The following MAPKBP1 variants were observed in gnomAD, a reference collection of about 807,000 sequenced individuals.
The protein encoded by MAPKBP1 is mitogen-activated protein kinase-binding protein 1.
MAPKBP1 carries 71 observed loss-of-function variants against 170.5 expected under a neutral mutation model. The observed-to-expected ratio is 0.42, with a 90% confidence interval of 0.34 to 0.51. The LOEUF is 0.51. Among genes scored for constraint, MAPKBP1 ranks in the 20% least tolerant of loss-of-function variants. The pLI is 0.06. For missense variants in MAPKBP1, 1,598 were observed against 1,933.0 expected, an observed-to-expected ratio of 0.83 and a Z score of 3.25; for synonymous variants, 719 against 757.9, an observed-to-expected ratio of 0.95 and a Z score of 0.84.
Position 41,818,965 on chromosome 15 carries a change from CA to C in MAPKBP1, c.2291+9del. 2 of 1,613,580 alleles carry C rather than the reference CA, an allele frequency of 1.2e-6. No homozygotes were observed. The highest frequency in any genetic ancestry group is 3.3e-4 in the Middle Eastern group (2 of 6,062). On this transcript the variant is annotated intron_variant, in intron 20 of 30. Coordinates refer to ENST00000457542, the MANE Select transcript of MAPKBP1 (RefSeq NM_014994.3). The surrounding 1 kb of genome is among the most constrained non-coding windows in gnomAD (Gnocchi z 5.2). ...GGCTTCTGGACCCAACCGGTGAGAA[CA>C]GAATGTGGGCAAGTGATGGGTGGGT...
At position 41,819,550 on chromosome 15, in the gene MAPKBP1, G is replaced by C. The variant is rs754656962; in HGVS notation, c.2426-45G>C. ...CCAGGGCTCCAGGGTTGGGTGGCGG[G>C]GGGGGGGCAGGAGACACTTCCTCTG... On this transcript the variant is annotated intron_variant, in intron 21 of 30. Coordinates refer to ENST00000457542, the MANE Select transcript of MAPKBP1 (RefSeq NM_014994.3). 7.1e-5 allele frequency: 108 copies of C among 1,518,416 alleles called. 1 individual carries two copies. Among genetic ancestry groups the C allele is most frequent in the African/African-American group, 6.9e-4 (49 of 71,190 alleles). The allele number at this position is 1,518,416 out of a possible 1,614,324, so 94.1% of individuals were successfully genotyped here.
Position 41,818,891 on chromosome 15 carries a change from G to T in MAPKBP1, c.2225G>T (p.Arg742Leu). The change falls in exon 20 of 31, where the codon CGC becomes CTC. Residue 742 changes from arginine to leucine, a missense_variant. This residue lies in a region of MAPKBP1 where 63 missense variants were observed against 115.2 expected (regional missense o/e 0.55). Coordinates refer to ENST00000457542, the MANE Select transcript of MAPKBP1 (RefSeq NM_014994.3). The surrounding 1 kb of genome is among the most constrained non-coding windows in gnomAD (Gnocchi z 5.2). ...ISMRQRLAEL[R>L]QRQRGGKQQG... ...ATGAGGCAGCGTCTGGCCGAGTTGC[G>T]CCAGCGTCAGCGGGGCGGCAAGCAG... The T allele has an allele frequency of 1.2e-6, 2 of 1,614,204 alleles. No individual in the cohort carries two copies. The highest frequency in any genetic ancestry group is 1.7e-6 in the Non-Finnish European group (2 of 1,180,040).
In MAPKBP1 at chr15:41,823,514, G is replaced by T. The variant is rs1272140650; in HGVS notation, c.3666G>T (p.Gln1222His). ...TGCTGTCTCGGGAGATCGAAGCTCA[G>T]GATGGTCTGGGCTCCCTGCCCCCAG... is the stretch of plus-strand genomic sequence containing the variant. The part of the protein sequence containing the change: ...GALLSREIEA[Q>H]DGLGSLPPAD... Residue 1222 changes from glutamine (Q) to histidine (H), a missense_variant, in exon 29 of 31, where the codon CAG (glutamine) becomes CAT (histidine). Physicochemically the swap from Gln to His is conservative, Grantham distance 24. This residue lies in a region of MAPKBP1 where 942 missense variants were observed against 953.2 expected (regional missense o/e 0.99). Transcript: ENST00000457542. 3 of 1,614,166 alleles carry T rather than the reference G, an allele frequency of 1.9e-6. No homozygotes were observed. In the East Asian group the frequency reaches 6.7e-5, roughly 36 times the overall value.
At chr15:41,811,146 G>A in intron 4 of MAPKBP1, 32 bp from the exon 5 acceptor site, 1 of 1,613,252 alleles carries the variant, frequency 6.2e-7, no homozygotes, top group Non-Finnish European at 8.5e-7. Context: ...CAGGCTGCCA[G>A]TGCCCCTCTG....
intron 3 of MAPKBP1, among the ~76,000 whole-genome samples, chr15:41,809,787 C>G (rs546461628): frequency 6.6e-6 from 1 of 152,380 alleles, no homozygotes; most frequent in African/African-American, 2.4e-5. Flanking sequence ...AAGGCAGGAC[C>G]TGATTCCATC....
intron 2 of MAPKBP1, among the ~76,000 whole-genome samples, chr15:41,797,738 T>C (rs1406512092): frequency 6.6e-6 from 1 of 152,204 alleles, no homozygotes; most frequent in East Asian, 1.9e-4. Context: ...GCCAGGTGGC[T>C]GTGGGTTGCT....
chr15:41,779,695 T>C (rs929828890), intron 2 of MAPKBP1, among the ~76,000 whole-genome samples: 1 of 152,182 alleles, frequency 6.6e-6, no homozygotes, highest in Non-Finnish European at 1.5e-5. Flanking sequence ...TGCGCCAGGC[T>C]CCAGTCATTT....
Position 41,821,256 on chromosome 15 carries a change from G to A in MAPKBP1, c.2718+188G>A, listed in dbSNP as rs147065119. ...GGTTTGGTCATCAGGATAGGCAGGG[G>A]AGGGGTTGGGGTAGAGAGGCAAAAG... On this transcript the variant is annotated intron_variant, in intron 23 of 30. Coordinates refer to ENST00000457542, the MANE Select transcript of MAPKBP1 (RefSeq NM_014994.3). 4.6e-4 allele frequency: 297 copies of A among 652,150 alleles called. No homozygotes were observed. In the African/African-American group the frequency reaches 4.9e-3, roughly 11 times the overall value. 40.4% of individuals were successfully genotyped at this position (652,150 alleles called of 1,614,324 possible).
intron 3 of MAPKBP1, among the ~76,000 whole-genome samples, chr15:41,803,522 A>G (rs973760024): frequency 1.3e-5 from 2 of 151,854 alleles, no homozygotes; most frequent in Non-Finnish European, 2.9e-5. Flanking sequence ...CCTGGGCAAC[A>G]TAGTGAGAAC....
In MAPKBP1 at chr15:41,815,814, T is replaced by A; in HGVS notation, c.1493+15T>A. ...GGCACACTTAGGTAATGCCAGGCCC[T>A]GGGTGGGTACTGACTGCCTCTCATG... On this transcript the variant is annotated intron_variant, in intron 12 of 30. Coordinates refer to ENST00000457542, the MANE Select transcript of MAPKBP1 (RefSeq NM_014994.3). The A allele has an allele frequency of 6.2e-7, 1 of 1,608,108 alleles. No homozygotes were observed. Among genetic ancestry groups the A allele is most frequent in the Admixed American group, 1.7e-5 (1 of 59,906 alleles).
In MAPKBP1 at chr15:41,786,793, T is replaced by A. The variant is rs1372416273; in HGVS notation, c.114+11404T>A. Among the ~76,000 whole-genome samples the A allele has an allele frequency of 1.9e-3, 225 of 120,698 alleles. 12 individuals are homozygous for A. Among genetic ancestry groups the A allele is most frequent in the Middle Eastern group, 4.9e-3 (1 of 204 alleles). 79.2% of individuals were successfully genotyped at this position (120,698 alleles called of 152,430 possible). A position where few individuals can be genotyped will look rare whatever the true frequency, so the allele number is the denominator to read the frequency against. On this transcript the variant is annotated intron_variant, in intron 2 of 30. Transcript: ENST00000457542. ...AAAAAAAAAAATATATATATATATATATATATATATAGGTATAATAAGCTT... is the reference window on the plus strand; with the variant it reads ...AAAAAAAAAAATATATATATATATAAATATATATATAGGTATAATAAGCTT...
At chr15:41,792,044 A>G (rs1160671667) in intron 2 of MAPKBP1, among the ~76,000 whole-genome samples, 1 of 149,514 alleles carries the variant, frequency 6.7e-6, no homozygotes, top group Non-Finnish European at 1.5e-5. Flanking sequence ...AACAAGAGTA[A>G]AACTCCATCT....
chr15:41,819,546 G>GT, intron 21 of MAPKBP1, 49 bp from the exon 22 acceptor site: 1 of 1,501,108 alleles, frequency 6.7e-7, no homozygotes, highest in Non-Finnish European at 9.0e-7. Flanking sequence ...GGGTTGGGTG[G>GT]CGGGGGGGGG....
chr15:41,790,722 G>T (rs780362857), intron 2 of MAPKBP1, among the ~76,000 whole-genome samples: 1 of 152,152 alleles, frequency 6.6e-6, no homozygotes, highest in Non-Finnish European at 1.5e-5. Context: ...AGCCAAACTG[G>T]GTAGAGACCA....
Position 41,814,582 on chromosome 15 carries a change from A to G in MAPKBP1, c.1013A>G (p.Tyr338Cys), listed in dbSNP as rs145492048. 59 of 1,614,092 alleles carry G rather than the reference A, an allele frequency of 3.7e-5. No homozygotes were observed. In the African/African-American group the frequency reaches 6.9e-4, roughly 19 times the overall value. Reference sequence around the variant, plus strand: ...TTCTCTGGAGTGGCGAATGCCAGGTATCCAGACACCATTGCCTTGACCTTT... The same window carrying G: ...TTCTCTGGAGTGGCGAATGCCAGGTGTCCAGACACCATTGCCTTGACCTTT... ...RLFSGVANAR[Y>C]PDTIALTFDP... Residue 338 changes from tyrosine (Y) to cysteine (C), a missense_variant, in exon 10 of 31, where the codon TAT becomes TGT. By Grantham distance (194) the Tyr-to-Cys change is radical. Coordinates refer to ENST00000457542, the MANE Select transcript of MAPKBP1 (RefSeq NM_014994.3).
chr15:41,819,286 T>C lies in MAPKBP1; in HGVS notation c.2332T>C (p.Ser778Pro). ...AATGCTGTCTCCTGGACCGGCTCTCTCATCAGACAGTGACAAGGAGGGAGA... is the reference window on the plus strand; with the variant it reads ...AATGCTGTCTCCTGGACCGGCTCTCCCATCAGACAGTGACAAGGAGGGAGA... ...PSMLSPGPAL[S>P]SDSDKEGEDE... The change falls in exon 21 of 31, where the codon TCA becomes CCA. Residue 778 changes from serine (S) to proline (P), a missense_variant. Ser to Pro is a moderately conservative substitution (Grantham distance 74). This residue lies in a region of MAPKBP1 where 942 missense variants were observed against 953.2 expected (regional missense o/e 0.99). Coordinates refer to ENST00000457542, the MANE Select transcript of MAPKBP1 (RefSeq NM_014994.3). 1 of 1,614,108 alleles carries C rather than the reference T, an allele frequency of 6.2e-7. No individual in the cohort carries two copies.
intron 2 of MAPKBP1, among the ~76,000 whole-genome samples, chr15:41,789,009 C>T (rs1359552156): frequency 6.6e-6 from 1 of 152,160 alleles, no homozygotes; most frequent in Non-Finnish European, 1.5e-5. Context: ...GGAAACCTTC[C>T]TTCTTCCCTG....
Position 41,774,783 on chromosome 15 carries a change from C to CGCCGA in MAPKBP1, c.-110+174_-110+175insCCGAG, listed in dbSNP as rs567028436. 5.0e-4 allele frequency: 200 copies of CGCCGA among 399,640 alleles called. No individual in the cohort carries two copies. The South Asian group carries it at 9.3e-3, about 19-fold the overall frequency. The allele number at this position is 399,640 out of a possible 1,614,324, so 24.8% of individuals were successfully genotyped here. A position where few individuals can be genotyped will look rare whatever the true frequency, so the allele number is the denominator to read the frequency against. On this transcript the variant is annotated intron_variant, in intron 1 of 30. Coordinates refer to ENST00000457542, the MANE Select transcript of MAPKBP1 (RefSeq NM_014994.3). ...TTGTGGGCTACGGCGAGCCCCGCCG[C>CGCCGA]GTCCCCGCCGGCGCTAGCGCAGGTG...
rs775262421 is a variant in MAPKBP1 at position 41,818,473 on chromosome 15, T to C, written c.2093-46T>C. ...ACTGTTGGGATGGAGAGGACTTGGT[T>C]GGGAATTTAAGGTGGCTTATAGACC... On this transcript the variant is annotated intron_variant, in intron 18 of 30. Transcript: ENST00000457542. This position sits in a 1 kb window ranked among gnomAD's most constrained non-coding sequence, Gnocchi z 5.2. 10 of 1,584,024 alleles carry C rather than the reference T, an allele frequency of 6.3e-6. No individual in the cohort carries two copies. Among genetic ancestry groups the C allele is most frequent in the African/African-American group, 2.7e-5 (2 of 74,288 alleles).
Sources: allele counts gnomAD v4.1 joint callset (sites outside exome capture counted in the v4.1 genomes callset), GRCh38; gene constraint gnomAD v4.1.1; regional missense constraint gnomAD v4.1.1; non-coding constraint Gnocchi (gnomAD v3.1); transcripts MANE v1.5; gene names NCBI Gene and HGNC (gene_info 2026-07-23, HGNC 2026-07-21).